The following C7orf78 variants were observed in gnomAD, a reference collection of about 807,000 sequenced individuals.
C7orf78 encodes putative uncharacterized protein C7orf78.
the C7orf78 span, chr7:12,526,036 T>A: frequency 2.6e-6 from 1 of 383,532 alleles, no homozygotes; most frequent in Non-Finnish European, 4.6e-6. Context: ...AATTTTTTAA[T>A]GTCCTTTTAA....
At chr7:12,524,527 T>C in the C7orf78 span, among the ~76,000 whole-genome samples, 2 of 152,132 alleles carry the variant, frequency 1.3e-5, no homozygotes, top group East Asian at 1.9e-4. Context: ...GTCATTTAAA[T>C]ATTAAATGTT....
the C7orf78 span, among the ~76,000 whole-genome samples, chr7:12,499,358 A>G: frequency 3.3e-5 from 5 of 152,180 alleles, no homozygotes; most frequent in African/African-American, 1.2e-4. Context: ...AGACACACAT[A>G]GGCTCAAAAT....
At chr7:12,501,101 A>G in the C7orf78 span, among the ~76,000 whole-genome samples, 1 of 146,586 alleles carries the variant, frequency 6.8e-6, no homozygotes, top group Admixed American at 6.7e-5. Context: ...AGAGCTATCT[A>G]TGACAAACCC....
At chr7:12,506,322 A>G in the C7orf78 span, among the ~76,000 whole-genome samples, 2 of 152,272 alleles carry the variant, frequency 1.3e-5, no homozygotes, top group Admixed American at 6.5e-5. Context: ...AAATCATGCT[A>G]CTATAAAGAC....
the C7orf78 span, among the ~76,000 whole-genome samples, chr7:12,511,784 C>T: frequency 3.3e-5 from 5 of 151,968 alleles, no homozygotes; most frequent in African/African-American, 1.2e-4. Flanking sequence ...TGGAGTCTTG[C>T]TCTGTCGCCC....
At chr7:12,513,192 T>A in the C7orf78 span, among the ~76,000 whole-genome samples, 7 of 151,918 alleles carry the variant, frequency 4.6e-5, no homozygotes, top group Admixed American at 3.9e-4. Flanking sequence ...TTTTTCTTTC[T>A]TTCTTTCTTT....
chr7:12,522,598 T>C, the C7orf78 span, among the ~76,000 whole-genome samples: 10 of 152,276 alleles, frequency 6.6e-5, no homozygotes, highest in African/African-American at 1.9e-4. Flanking sequence ...TTTGACATCA[T>C]GTCTATTTTC....
At chr7:12,512,022 T>C in the C7orf78 span, among the ~76,000 whole-genome samples, 1 of 143,294 alleles carries the variant, frequency 7.0e-6, no homozygotes, top group Non-Finnish European at 1.5e-5. Context: ...TGATCCACCC[T>C]CCTTGGCCTC....
At chr7:12,525,947 CATTCCAT>C in the C7orf78 span, 1 of 395,776 alleles carries the variant, frequency 2.5e-6, no homozygotes, top group Non-Finnish European at 4.5e-6. Flanking sequence ...AAAAACTCTG[CATTCCAT>C]ATTAGTAGTA....
chr7:12,539,463 C>CA, the C7orf78 span, among the ~76,000 whole-genome samples: 1 of 151,706 alleles, frequency 6.6e-6, no homozygotes, highest in South Asian at 2.1e-4. Flanking sequence ...GACTCTGTCT[C>CA]AAAAAACAAA....
the C7orf78 span, chr7:12,522,859 G>C: frequency 2.5e-6 from 1 of 395,870 alleles, no homozygotes; most frequent in African/African-American, 2.1e-5. Context: ...TGTCATTTCT[G>C]AGCTTTTTCC....
At chr7:12,489,682 G>A in the C7orf78 span, among the ~76,000 whole-genome samples, 1 of 152,022 alleles carries the variant, frequency 6.6e-6, no homozygotes, top group African/African-American at 2.4e-5. Flanking sequence ...ACTATTTGCT[G>A]GGCAAAGTCA....
At chr7:12,536,620 TTTTTC>T in the C7orf78 span, among the ~76,000 whole-genome samples, 1 of 152,212 alleles carries the variant, frequency 6.6e-6, no homozygotes, top group Admixed American at 6.5e-5. Context: ...GAAAACGCTT[TTTTTC>T]TTTTCTATCA....
chr7:12,512,578 A>G, the C7orf78 span, among the ~76,000 whole-genome samples: 2 of 152,042 alleles, frequency 1.3e-5, no homozygotes, highest in Non-Finnish European at 2.9e-5. Flanking sequence ...GTGCAGTTGG[A>G]TTTGATTTGC....
At chr7:12,497,218 G>A in the C7orf78 span, among the ~76,000 whole-genome samples, 1 of 152,098 alleles carries the variant, frequency 6.6e-6, no homozygotes, top group East Asian at 1.9e-4. Flanking sequence ...GGCGGGGGGA[G>A]GAGCCAAGAT....
the C7orf78 span, among the ~76,000 whole-genome samples, chr7:12,492,922 C>T: frequency 6.6e-6 from 1 of 152,160 alleles, no homozygotes; most frequent in African/African-American, 2.4e-5. Context: ...ACAAAATCCA[C>T]ACTGGTGCGG....
chr7:12,534,969 A>AGGAAGGAG, the C7orf78 span, among the ~76,000 whole-genome samples: 1 of 123,234 alleles, frequency 8.1e-6, no homozygotes, highest in Non-Finnish European at 1.8e-5. Context: ...GGAGGGAAGA[A>AGGAAGGAG]GGAAGGAGGG....
chr7:12,496,248 T>G, the C7orf78 span, among the ~76,000 whole-genome samples: 1 of 152,340 alleles, frequency 6.6e-6, no homozygotes, highest in East Asian at 1.9e-4. Flanking sequence ...TTTCTAACTC[T>G]AAATTTCTAA....
chr7:12,517,663 A>G, the C7orf78 span, among the ~76,000 whole-genome samples: 3 of 152,036 alleles, frequency 2.0e-5, no homozygotes, highest in African/African-American at 4.8e-5. Flanking sequence ...TGCTTAATCT[A>G]TTGTTGGAGC....
Sources: allele counts gnomAD v4.1 joint callset (sites outside exome capture counted in the v4.1 genomes callset), GRCh38; gene constraint gnomAD v4.1.1; transcripts MANE v1.5; gene names NCBI Gene and HGNC (gene_info 2026-07-23, HGNC 2026-07-21).